RGS7: variants seen among roughly 807,000 people sequenced by gnomAD.
RGS7 encodes regulator of G protein signaling 7, also known as regulator of G-protein signaling 7.
A neutral mutation model predicts 81.1 loss-of-function variants in RGS7; 27 were observed. That is an observed-to-expected ratio of 0.33 (90% confidence interval 0.25 to 0.46). The LOEUF is 0.46. RGS7 is among the 20% of genes least tolerant of loss of function. RGS7 has a pLI of 1.00. For synonymous variants in RGS7, 208 were observed against 207.7 expected (o/e 1.00, Z -0.01); for missense variants, 396 against 607.4 (o/e 0.65, Z 3.66).
At chr1:240,881,487 C>G (rs261840) in intron 6 of RGS7, among the ~76,000 whole-genome samples, 2,715 of 152,104 alleles carry the variant, frequency 0.018, 74 homozygotes, top group African/African-American at 0.063. Flanking sequence ...TACCCTAGAA[C>G]TTAAAGTATA....
At chr1:240,821,068 G>T (rs1691695952) in intron 10 of RGS7, among the ~76,000 whole-genome samples, 1 of 152,150 alleles carries the variant, frequency 6.6e-6, no homozygotes, top group Admixed American at 6.5e-5. Flanking sequence ...AAGGCAACCA[G>T]AGAGAGAAAT....
At chr1:241,350,527 G>A (rs1046412836) in intron 2 of RGS7, among the ~76,000 whole-genome samples, 5 of 151,980 alleles carry the variant, frequency 3.3e-5, no homozygotes, top group East Asian at 3.9e-4. Context: ...TTTCTAGTGC[G>A]TCTTTGTCTT....
At chr1:241,125,575 T>C (rs969608486) in intron 2 of RGS7, among the ~76,000 whole-genome samples, 2 of 152,114 alleles carry the variant, frequency 1.3e-5, no homozygotes, top group Non-Finnish European at 2.9e-5. Flanking sequence ...CTGCAAGGAA[T>C]TTGCCCAACA....
At chr1:241,027,397 T>C (rs544161500) in intron 3 of RGS7, among the ~76,000 whole-genome samples, 1 of 152,164 alleles carries the variant, frequency 6.6e-6, no homozygotes, top group Non-Finnish European at 1.5e-5. Flanking sequence ...CAGTAGGAAG[T>C]TGGTGAGTGA....
rs147509779 is a variant in RGS7, at chr1:241,018,566, C to T, written c.176-35437G>A. On this transcript the variant is annotated intron_variant, in intron 3 of 18. Coordinates refer to ENST00000440928, the MANE Select transcript of RGS7 (RefSeq NM_001364886.1). ...TTTGGGGGATATTCTTGGTACAAGT[C>T]TTCAAGAATGTGTCTTGCAGGTCTT... Among the ~76,000 whole-genome samples the T allele has an allele frequency of 7.8e-3, 1,188 of 152,018 alleles. 15 individuals carry two copies. The highest frequency in any genetic ancestry group is 0.027 in the African/African-American group (1,124 of 41,458).
intron 2 of RGS7, among the ~76,000 whole-genome samples, chr1:241,126,507 C>A (rs890117527): frequency 1.3e-5 from 2 of 152,190 alleles, no homozygotes; most frequent in Non-Finnish European, 2.9e-5. Context: ...GGCTCTAGAT[C>A]AAGCCTGCTT....
At chr1:241,139,716 C>A (rs897210077) in intron 2 of RGS7, among the ~76,000 whole-genome samples, 3 of 152,184 alleles carry the variant, frequency 2.0e-5, no homozygotes, top group Non-Finnish European at 4.4e-5. Flanking sequence ...AGTGGTATCT[C>A]ACTGTTTTGA....
chr1:241,252,882 G>GC (rs1434195038), intron 2 of RGS7, among the ~76,000 whole-genome samples: 1 of 152,152 alleles, frequency 6.6e-6, no homozygotes, highest in Non-Finnish European at 1.5e-5. Context: ...AAAGCACACT[G>GC]CCCCCCTTAT....
chr1:241,177,003 T>C (rs887550603), intron 2 of RGS7, among the ~76,000 whole-genome samples: 5 of 152,304 alleles, frequency 3.3e-5, no homozygotes, highest in African/African-American at 1.2e-4. Flanking sequence ...GCAAAACTGT[T>C]TATGCAAGAA....
intron 6 of RGS7, among the ~76,000 whole-genome samples, chr1:240,872,317 C>T (rs143814254): frequency 6.6e-6 from 1 of 152,156 alleles, no homozygotes; most frequent in East Asian, 1.9e-4. Context: ...GGAAGCAGGG[C>T]ATGGTGGCTT....
chr1:241,069,874 T>A (rs1379528018), intron 3 of RGS7, among the ~76,000 whole-genome samples: 1 of 152,226 alleles, frequency 6.6e-6, no homozygotes, highest in Non-Finnish European at 1.5e-5. Context: ...ATGTCATGAA[T>A]TCCTTCTATT....
At chr1:240,795,732 A>G (rs937283664) in intron 18 of RGS7, among the ~76,000 whole-genome samples, 2 of 152,222 alleles carry the variant, frequency 1.3e-5, no homozygotes, top group African/African-American at 4.8e-5. Context: ...AAATAGAATC[A>G]TGTAGAAAAA....
chr1:241,191,274 C>T (rs1264140346), intron 2 of RGS7, among the ~76,000 whole-genome samples: 6 of 152,156 alleles, frequency 3.9e-5, no homozygotes, highest in Admixed American at 6.5e-5. Flanking sequence ...CCACCGTGCC[C>T]GGCCTCCACT....
At chr1:240,820,583 G>A (rs1431567165) in intron 10 of RGS7, among the ~76,000 whole-genome samples, 1 of 152,090 alleles carries the variant, frequency 6.6e-6, no homozygotes, top group African/African-American at 2.4e-5. Flanking sequence ...TTTGGGAGGT[G>A]ACTAGGTATG....
At chr1:241,027,777 T>G (rs1298298672) in intron 3 of RGS7, among the ~76,000 whole-genome samples, 1 of 152,092 alleles carries the variant, frequency 6.6e-6, no homozygotes, top group African/African-American at 2.4e-5. Context: ...AGAATGGGAA[T>G]CAAGAATTGG....
chr1:241,334,548 G>C (rs1355623428), intron 2 of RGS7, among the ~76,000 whole-genome samples: 2 of 152,158 alleles, frequency 1.3e-5, no homozygotes, highest in African/African-American at 4.8e-5. Flanking sequence ...CACAGTGAAA[G>C]GCTGTTAGTT....
chr1:240,996,755 G>C (rs1687351477), intron 3 of RGS7, among the ~76,000 whole-genome samples: 1 of 151,998 alleles, frequency 6.6e-6, no homozygotes, highest in Non-Finnish European at 1.5e-5. Flanking sequence ...CACTCTGCTG[G>C]CCTCTGTCTT....
intron 3 of RGS7, among the ~76,000 whole-genome samples, chr1:241,068,238 G>GTGTATATATATATATATATATATATA: frequency 1.1e-4 from 4 of 35,660 alleles, no homozygotes; most frequent in African/African-American, 3.8e-4. Context: ...GTGTGTGTGT[G>GTGTATATATATATATATATATATATA]TATATATATA....
intron 9 of RGS7, among the ~76,000 whole-genome samples, chr1:240,850,503 T>C (rs1483902993): frequency 6.6e-6 from 1 of 152,186 alleles, no homozygotes; most frequent in African/African-American, 2.4e-5. Flanking sequence ...GGCTTCCCTA[T>C]TTTCTGAGCT....
Sources: gnomAD v4.1 joint callset for allele counts (sites outside exome capture counted in the v4.1 genomes callset) on GRCh38, gnomAD v4.1.1 for gene constraint, MANE v1.5 for transcripts, NCBI Gene and HGNC (gene_info 2026-07-23, HGNC 2026-07-21) for gene names.